Variants in SDK1 observed in about 807,000 individuals in gnomAD.
The protein encoded by SDK1 is protein sidekick-1.
Under a neutral mutation model 245.5 loss-of-function variants are expected in SDK1, and 157 were observed. That is an observed-to-expected ratio of 0.64 (90% CI 0.56 to 0.73). SDK1 has a LOEUF of 0.73. SDK1 is among the 30% of genes least tolerant of loss of function. The pLI, the probability that SDK1 is intolerant of heterozygous loss-of-function variation, is 0.00. For missense variants in SDK1, 3,583 were observed against 3,002.3 expected (o/e 1.19, Z -4.52); for synonymous variants, 1,647 against 1,278.5 (o/e 1.29, Z -6.15).
At chr7:4,220,889 C>A (rs1467201104) in intron 39 of SDK1, among the ~76,000 whole-genome samples, 1 of 134,978 alleles carries the variant, frequency 7.4e-6, no homozygotes, top group Non-Finnish European at 1.6e-5. Context: ...ACCCCCACCC[C>A]CCACCCCGCC....
intron 5 of SDK1, among the ~76,000 whole-genome samples, chr7:3,869,830 A>G (rs151297853): frequency 2.0e-4 from 30 of 152,338 alleles, no homozygotes; most frequent in African/African-American, 7.2e-4. Flanking sequence ...AAACCAACCT[A>G]ACACGTTGCT....
intron 38 of SDK1, among the ~76,000 whole-genome samples, chr7:4,210,889 A>G (rs2128228353): frequency 6.6e-6 from 1 of 152,308 alleles, no homozygotes; most frequent in South Asian, 2.1e-4. Flanking sequence ...GGCTAACACA[A>G]GAGGCTTAGG....
chr7:4,012,025 T>C, intron 15 of SDK1, 70 bp from the exon 16 acceptor site: 2 of 1,281,870 alleles, frequency 1.6e-6, no homozygotes, highest in African/African-American at 1.5e-5. Flanking sequence ...GCAAGATAGA[T>C]GAAATGCAAA....
At position 4,178,522 on chromosome 7, in the gene SDK1, C is replaced by T. The variant is rs148700747; in HGVS notation, c.5034C>T (p.Thr1678=). The T allele has an allele frequency of 5.3e-5, 85 of 1,613,764 alleles. No individual in the cohort carries two copies. The highest frequency in any genetic ancestry group is 3.7e-4 in the Admixed American group (22 of 59,986). Residue 1678 remains threonine, a synonymous_variant, in exon 35 of 45, where the codon ACC becomes ACT. Coordinates refer to ENST00000404826, the MANE Select transcript of SDK1 (RefSeq NM_152744.4). ...ACCGGCGCTATGAAGTAATAATGAC[C>T]GCCTATAACATCATCGGCGAGAGCC... is the stretch of plus-strand genomic sequence containing the variant. ...KKYRRYEVIM[T]AYNIIGESPA...
chr7:3,793,333 T>C (rs562940693), intron 4 of SDK1, among the ~76,000 whole-genome samples: 55 of 152,318 alleles, frequency 3.6e-4, no homozygotes, highest in African/African-American at 1.3e-3. Flanking sequence ...TTATTAATAA[T>C]CAGCTCTGCC....
chr7:4,058,770 A>G (rs957442527), intron 19 of SDK1, among the ~76,000 whole-genome samples: 1 of 152,220 alleles, frequency 6.6e-6, no homozygotes, highest in Non-Finnish European at 1.5e-5. Context: ...TCACAAATGA[A>G]AGAGAAATAA....
At chr7:3,841,554 A>C (rs1224045116) in intron 5 of SDK1, among the ~76,000 whole-genome samples, 1 of 151,290 alleles carries the variant, frequency 6.6e-6, no homozygotes, top group Non-Finnish European at 1.5e-5. Flanking sequence ...GTATTATCAG[A>C]TTATTTTTTT....
intron 38 of SDK1, among the ~76,000 whole-genome samples, chr7:4,214,047 G>C (rs1784652599): frequency 6.6e-6 from 1 of 152,166 alleles, no homozygotes; most frequent in Non-Finnish European, 1.5e-5. Context: ...CCTTGTGGCT[G>C]CAGCTTTTCT....
At chr7:3,526,936 T>C (rs1439995931) in intron 1 of SDK1, among the ~76,000 whole-genome samples, 5 of 152,296 alleles carry the variant, frequency 3.3e-5, no homozygotes, top group African/African-American at 9.6e-5. Flanking sequence ...GCTTACCTTT[T>C]ATAATGTTCA....
chr7:4,012,079 C>A lies in SDK1; in HGVS notation c.2280-16C>A. 6.7e-7 allele frequency: 1 copy of A among 1,492,392 alleles called. No homozygotes were observed. 92.4% of individuals were successfully genotyped at this position (1,492,392 alleles called of 1,614,324 possible). A position where few individuals can be genotyped will look rare whatever the true frequency, so the allele number is the denominator to read the frequency against. On this transcript the variant is annotated splice_polypyrimidine_tract_variant and intron_variant, in intron 15 of 44. Coordinates refer to ENST00000404826, the MANE Select transcript of SDK1 (RefSeq NM_152744.4). ...GGTACTCATCTCTCTTGTTCCTACCCGTCTTTTATTTATAGGTTGATGCTA... is the reference window on the plus strand; with the variant it reads ...GGTACTCATCTCTCTTGTTCCTACCAGTCTTTTATTTATAGGTTGATGCTA...
chr7:3,620,777 C>T (rs1009918311), intron 2 of SDK1, among the ~76,000 whole-genome samples: 2 of 152,104 alleles, frequency 1.3e-5, no homozygotes, highest in Admixed American at 1.3e-4. Flanking sequence ...CTCCTCGGTG[C>T]TCTCTGGCAG....
intron 14 of SDK1, among the ~76,000 whole-genome samples, chr7:3,998,214 A>G (rs554360030): frequency 1.3e-5 from 2 of 152,190 alleles, no homozygotes; most frequent in Non-Finnish European, 2.9e-5. Flanking sequence ...CCCAACTCGT[A>G]AGGGGCAGAG....
At chr7:3,320,215 C>G (rs1779767930) in intron 1 of SDK1, among the ~76,000 whole-genome samples, 1 of 152,044 alleles carries the variant, frequency 6.6e-6, no homozygotes, top group Non-Finnish European at 1.5e-5. Context: ...GGTGAGCATT[C>G]TGGAGACCTG....
chr7:4,248,195 G>A (rs776471216), intron 44 of SDK1, among the ~76,000 whole-genome samples: 8 of 151,856 alleles, frequency 5.3e-5, no homozygotes, highest in Non-Finnish European at 1.2e-4. Flanking sequence ...CATGTGCACG[G>A]ACACATACAC....
intron 1 of SDK1, among the ~76,000 whole-genome samples, chr7:3,418,167 A>AAAAAAAAAAAAAAAAAAAAAAAG: frequency 7.2e-6 from 1 of 139,226 alleles, no homozygotes; most frequent in African/African-American, 2.5e-5. Flanking sequence ...AAAAAAAAAA[A>AAAAAAAAAAAAAAAAAAAAAAAG]ATAGCTGAGC....
intron 22 of SDK1, among the ~76,000 whole-genome samples, chr7:4,107,801 G>A (rs1034810726): frequency 1.5e-4 from 23 of 152,182 alleles, no homozygotes; most frequent in Admixed American, 1.3e-3. Flanking sequence ...TGAGCAGCTC[G>A]TCTTGCTTGC....
intron 1 of SDK1, among the ~76,000 whole-genome samples, chr7:3,326,161 T>C (rs891095933): frequency 2.6e-5 from 4 of 152,188 alleles, no homozygotes; most frequent in Admixed American, 1.3e-4. Context: ...TTGTAGAGTA[T>C]ATAAAAGTGT....
At chr7:3,674,819 G>A (rs1783839141) in intron 4 of SDK1, among the ~76,000 whole-genome samples, 1 of 152,098 alleles carries the variant, frequency 6.6e-6, no homozygotes, top group African/African-American at 2.4e-5. Context: ...CCACAAGATT[G>A]GCTCTGTGTT....
At chr7:3,946,123 G>A (rs1051571112) in intron 5 of SDK1, among the ~76,000 whole-genome samples, 4 of 149,836 alleles carry the variant, frequency 2.7e-5, no homozygotes, top group Admixed American at 6.7e-5. Context: ...TAGAGTGAAA[G>A]GACCTTTCAG....
Sources: allele counts gnomAD v4.1 joint callset (sites outside exome capture counted in the v4.1 genomes callset), GRCh38; gene constraint gnomAD v4.1.1; transcripts MANE v1.5; gene names NCBI Gene and HGNC (gene_info 2026-07-23, HGNC 2026-07-21).